ANO6: variants seen among roughly 807,000 people sequenced by gnomAD.
The protein encoded by ANO6 is anoctamin-6.
ANO6 carries 106 observed loss-of-function variants against 117.5 expected under a neutral mutation model. That is an observed-to-expected ratio of 0.90 (90% CI 0.77 to 1.06). The LOEUF is 1.06. Among genes scored for constraint, ANO6 ranks in the 50% least tolerant of loss-of-function variants. The pLI is 0.00. For synonymous variants in ANO6, 367 were observed against 385.1 expected, an observed-to-expected ratio of 0.95 and a Z score of 0.55; for missense variants, 955 against 1,121.1, an observed-to-expected ratio of 0.85 and a Z score of 2.12.
At chr12:45,369,614 G>T (rs572650019) in intron 9 of ANO6, among the ~76,000 whole-genome samples, 1 of 151,634 alleles carries the variant, frequency 6.6e-6, no homozygotes, top group Non-Finnish European at 1.5e-5. Context: ...TAAGTAAGGG[G>T]ACTAAATGGA....
chr12:45,252,549 T>G (rs1487686806), intron 1 of ANO6, among the ~76,000 whole-genome samples: 1 of 152,174 alleles, frequency 6.6e-6, no homozygotes, highest in African/African-American at 2.4e-5. Context: ...GTATCTCCGT[T>G]GTTTCTTAGG....
At chr12:45,282,378 A>C (rs1173140147) in intron 1 of ANO6, among the ~76,000 whole-genome samples, 1 of 152,220 alleles carries the variant, frequency 6.6e-6, no homozygotes, top group Non-Finnish European at 1.5e-5. Context: ...GGAGCCCTGA[A>C]TATTTTCAGA....
intron 6 of ANO6, among the ~76,000 whole-genome samples, chr12:45,350,446 G>A (rs1244242913): frequency 1.3e-5 from 2 of 152,086 alleles, no homozygotes; most frequent in African/African-American, 4.8e-5. Context: ...ACACCCAATC[G>A]TTCATCCCTG....
At chr12:45,305,632 G>T (rs1435069937) in intron 2 of ANO6, among the ~76,000 whole-genome samples, 1 of 152,154 alleles carries the variant, frequency 6.6e-6, no homozygotes, top group East Asian at 1.9e-4. Flanking sequence ...TTAAAGTGAG[G>T]CTGGGAACTG....
intron 1 of ANO6, among the ~76,000 whole-genome samples, chr12:45,263,473 A>C (rs541285652): frequency 4.3e-4 from 65 of 150,656 alleles, no homozygotes; most frequent in Admixed American, 9.9e-4. Context: ...TGGCCTTCTA[A>C]AATGCTGGGA....
intron 1 of ANO6, among the ~76,000 whole-genome samples, chr12:45,293,647 G>T (rs1317948803): frequency 2.0e-5 from 3 of 149,126 alleles, no homozygotes; most frequent in African/African-American, 7.4e-5. Context: ...TGCAAGCTCC[G>T]CCTCCCAGGT....
At chr12:45,272,433 G>GA (rs1469374694) in intron 1 of ANO6, among the ~76,000 whole-genome samples, 1 of 152,108 alleles carries the variant, frequency 6.6e-6, no homozygotes, top group Non-Finnish European at 1.5e-5. Context: ...ATTCTGACCA[G>GA]ATTTTTACAT....
chr12:45,429,954 T>C lies in ANO6; in HGVS notation c.*643T>C. On this transcript the variant is annotated 3_prime_UTR_variant, in exon 20 of 20. Transcript: ENST00000320560. ...AGGTTGGAGTGAAGATAGCAAGGTT[T>C]TGAAGCATATTTGTCCTAATCCACA... The C allele has an allele frequency of 2.0e-6, 2 of 987,854 alleles. No homozygotes were observed. The highest frequency in any genetic ancestry group is 2.4e-6 in the Non-Finnish European group (2 of 831,572). 61.2% of individuals were successfully genotyped at this position (987,854 alleles called of 1,614,324 possible).
At chr12:45,263,576 C>T (rs769785137) in intron 1 of ANO6, among the ~76,000 whole-genome samples, 2 of 152,024 alleles carry the variant, frequency 1.3e-5, no homozygotes, top group Non-Finnish European at 2.9e-5. Context: ...TTAGGAGCTG[C>T]ACCAAGGATT....
At chr12:45,419,425 A>G (rs1192110264) in intron 17 of ANO6, among the ~76,000 whole-genome samples, 2 of 152,214 alleles carry the variant, frequency 1.3e-5, no homozygotes, top group Non-Finnish European at 2.9e-5. Context: ...AATCTGAGGG[A>G]AAAAAGGTAA....
intron 17 of ANO6, among the ~76,000 whole-genome samples, chr12:45,418,512 A>AC (rs1292392267): frequency 6.6e-6 from 1 of 152,232 alleles, no homozygotes; most frequent in Non-Finnish European, 1.5e-5. Flanking sequence ...CTGGACAAGA[A>AC]CATGGACTTG....
At chr12:45,390,287 A>T (rs1565742661) in intron 11 of ANO6, 134 bp from the exon 12 acceptor site, 2 of 761,428 alleles carry the variant, frequency 2.6e-6, no homozygotes, top group East Asian at 5.1e-5. Context: ...AAAAAGTGCA[A>T]TTATGAGTAA....
chr12:45,309,697 C>T (rs1027817768), intron 2 of ANO6, among the ~76,000 whole-genome samples: 4 of 26,316 alleles, frequency 1.5e-4, no homozygotes, highest in African/African-American at 2.0e-4. Context: ...TGGCTAATCC[C>T]AGAAACCCAA....
chr12:45,276,084 T>TA (rs1938546093), intron 1 of ANO6, among the ~76,000 whole-genome samples: 1 of 152,194 alleles, frequency 6.6e-6, no homozygotes, highest in African/African-American at 2.4e-5. Context: ...GCGCTCTGTG[T>TA]CTTCACCATC....
chr12:45,409,173 G>A (rs1439072355), intron 15 of ANO6, among the ~76,000 whole-genome samples, 184 bp from the exon 16 acceptor site: 2 of 152,204 alleles, frequency 1.3e-5, no homozygotes, highest in African/African-American at 4.8e-5. Flanking sequence ...AAACCCTGGT[G>A]TGTAGTCCTA....
intron 2 of ANO6, among the ~76,000 whole-genome samples, chr12:45,317,966 GTTGT>G (rs1036407940): frequency 5.3e-5 from 8 of 152,250 alleles, no homozygotes; most frequent in African/African-American, 1.2e-4. Context: ...TTTTGATGGG[GTTGT>G]TTGTTTGTTT....
At chr12:45,357,592 A>T (rs1941446513) in intron 8 of ANO6, among the ~76,000 whole-genome samples, 168 bp downstream of exon 8, 1 of 152,098 alleles carries the variant, frequency 6.6e-6, no homozygotes, top group Admixed American at 6.6e-5. Flanking sequence ...AAATGGAAAA[A>T]TTTTTTTCTT....
intron 2 of ANO6, among the ~76,000 whole-genome samples, chr12:45,318,877 AGCAATT>A (rs1319826273): frequency 1.3e-5 from 2 of 152,006 alleles, no homozygotes; most frequent in Non-Finnish European, 2.9e-5. Context: ...TTCTCTTTGA[AGCAATT>A]GTGAATGGGA....
chr12:45,238,026 G>C (rs1244256612), intron 1 of ANO6, among the ~76,000 whole-genome samples: 2 of 152,096 alleles, frequency 1.3e-5, no homozygotes, highest in African/African-American at 4.8e-5. Flanking sequence ...CTCTCTGTCT[G>C]ATATTGGTGT....
Sources: gnomAD v4.1 joint callset for allele counts (sites outside exome capture counted in the v4.1 genomes callset) on GRCh38, gnomAD v4.1.1 for gene constraint, MANE v1.5 for transcripts, NCBI Gene and HGNC (gene_info 2026-07-23, HGNC 2026-07-21) for gene names.